ARHGAP26: variants seen among roughly 807,000 people sequenced by gnomAD.
The protein encoded by ARHGAP26 is rho GTPase-activating protein 26.
In ARHGAP26, 38 loss-of-function variants were observed where a neutral mutation model predicts 104.8. That is an observed-to-expected ratio of 0.36 (90% CI 0.28 to 0.48). The LOEUF (loss-of-function observed/expected upper bound fraction) is 0.48. Ranked by LOEUF, ARHGAP26 falls within the 20% of genes least tolerant of loss-of-function variation. The pLI, the probability that ARHGAP26 is intolerant of heterozygous loss-of-function variation, is 0.99. For missense variants in ARHGAP26, 704 were observed against 947.9 expected (o/e 0.74, Z 3.38); for synonymous variants, 341 against 340.0 (o/e 1.00, Z -0.03).
chr5:142,903,894 G>C (rs775810694), intron 8 of ARHGAP26, among the ~76,000 whole-genome samples: 17 of 151,956 alleles, frequency 1.1e-4, no homozygotes, highest in Non-Finnish European at 2.5e-4. Flanking sequence ...ATTCTTTAAG[G>C]CTCTGTGGTT....
intron 1 of ARHGAP26, among the ~76,000 whole-genome samples, chr5:142,774,253 A>G (rs985189326): frequency 6.6e-6 from 1 of 152,176 alleles, no homozygotes; most frequent in Non-Finnish European, 1.5e-5. Flanking sequence ...AATTCAAACA[A>G]ATTTTTATAG....
At chr5:143,125,954 A>G (rs1056885556) in intron 18 of ARHGAP26, among the ~76,000 whole-genome samples, 7 of 152,218 alleles carry the variant, frequency 4.6e-5, no homozygotes, top group African/African-American at 1.7e-4. Context: ...AACCCAAGCT[A>G]TTAAAATCTA....
At chr5:143,060,709 T>G (rs1403000007) in intron 17 of ARHGAP26, among the ~76,000 whole-genome samples, 2 of 151,982 alleles carry the variant, frequency 1.3e-5, no homozygotes, top group Non-Finnish European at 2.9e-5. Flanking sequence ...GGGCGCTTGT[T>G]TACATTGACA....
intron 19 of ARHGAP26, among the ~76,000 whole-genome samples, chr5:143,138,782 A>C (rs1428405769): frequency 6.6e-6 from 1 of 152,236 alleles, no homozygotes; most frequent in Non-Finnish European, 1.5e-5. Context: ...TGTGCACCAC[A>C]ACAGCCCAAC....
At chr5:142,965,296 A>G (rs1323402823) in intron 11 of ARHGAP26, among the ~76,000 whole-genome samples, 1 of 152,192 alleles carries the variant, frequency 6.6e-6, no homozygotes, top group African/African-American at 2.4e-5. Flanking sequence ...GGCCCTCCAC[A>G]AGAGGTGGAG....
At chr5:143,215,366 G>A (rs141492662) in intron 22 of ARHGAP26, among the ~76,000 whole-genome samples, 44 of 152,330 alleles carry the variant, frequency 2.9e-4, no homozygotes, top group South Asian at 2.3e-3. Context: ...GATCTCAGGG[G>A]CAGAATTGTT....
At chr5:142,821,449 G>C (rs111584282) in intron 1 of ARHGAP26, among the ~76,000 whole-genome samples, 1 of 151,778 alleles carries the variant, frequency 6.6e-6, no homozygotes, top group African/African-American at 2.4e-5. Context: ...CATTTTTCTA[G>C]GTGGTAGAGT....
intron 1 of ARHGAP26, among the ~76,000 whole-genome samples, chr5:142,834,239 C>T (rs1276959148): frequency 1.3e-5 from 2 of 152,174 alleles, no homozygotes; most frequent in South Asian, 2.1e-4. Context: ...ACAGTGAATA[C>T]ACTTATGTAA....
chr5:142,861,726 A>G (rs573993057), intron 1 of ARHGAP26, among the ~76,000 whole-genome samples: 1 of 152,180 alleles, frequency 6.6e-6, no homozygotes, highest in South Asian at 2.1e-4. Context: ...TGTGCTAAGC[A>G]CTTCAGTGCA....
At chr5:142,887,640 G>C (rs1361237955) in intron 5 of ARHGAP26, among the ~76,000 whole-genome samples, 1 of 152,160 alleles carries the variant, frequency 6.6e-6, no homozygotes, top group Non-Finnish European at 1.5e-5. Flanking sequence ...TTGAGTGTAA[G>C]GATTGGGTTC....
chr5:143,117,256 G>A (rs1265902393), intron 17 of ARHGAP26, among the ~76,000 whole-genome samples: 1 of 152,182 alleles, frequency 6.6e-6, no homozygotes, highest in South Asian at 2.1e-4. Flanking sequence ...GCTAATGAAC[G>A]AGTCCCGTGG....
At chr5:142,849,784 G>A (rs935718097) in intron 1 of ARHGAP26, among the ~76,000 whole-genome samples, 2 of 152,072 alleles carry the variant, frequency 1.3e-5, no homozygotes, top group Admixed American at 6.5e-5. Flanking sequence ...CAATCCTGCC[G>A]TGTTTCTGTC....
rs1811462808 is a variant in ARHGAP26 at position 143,223,991 on chromosome 5, G to A, written c.*1545G>A. On this transcript the variant is annotated 3_prime_UTR_variant, in exon 23 of 23. Coordinates refer to ENST00000645722, the MANE Select transcript of ARHGAP26 (RefSeq NM_001135608.3). ...ACCGATGGACCGTCAAGCTCCCCAGGAGCCCCTTGGATGGCAGCGTTGCTT... is the reference window on the plus strand; with the variant it reads ...ACCGATGGACCGTCAAGCTCCCCAGAAGCCCCTTGGATGGCAGCGTTGCTT... 4.3e-6 allele frequency: 1 copy of A among 232,118 alleles called. No individual in the cohort carries two copies. The highest frequency in any genetic ancestry group is 8.5e-6 in the Non-Finnish European group (1 of 117,032). The allele number at this position is 232,118 out of a possible 1,614,324, so 14.4% of individuals were successfully genotyped here.
At chr5:142,772,309 CTGAAACATA>C (rs1351998573) in intron 1 of ARHGAP26, among the ~76,000 whole-genome samples, 1 of 152,246 alleles carries the variant, frequency 6.6e-6, no homozygotes, top group Non-Finnish European at 1.5e-5. Flanking sequence ...TGTGCCTTAC[CTGAAACATA>C]TGAACAGACC....
intron 19 of ARHGAP26, among the ~76,000 whole-genome samples, chr5:143,143,810 G>A (rs1239714422): frequency 6.6e-6 from 1 of 152,174 alleles, no homozygotes; most frequent in Non-Finnish European, 1.5e-5. Flanking sequence ...CTGCCCTCGG[G>A]TAGTTTGCAT....
chr5:142,808,247 A>G (rs1472577158), intron 1 of ARHGAP26, among the ~76,000 whole-genome samples: 4 of 133,372 alleles, frequency 3.0e-5, no homozygotes, highest in African/African-American at 9.8e-5. Context: ...AAAAAAAAAA[A>G]AAAAAAAAAA....
chr5:143,166,280 A>G (rs561343844), intron 20 of ARHGAP26, among the ~76,000 whole-genome samples: 2 of 152,166 alleles, frequency 1.3e-5, no homozygotes, highest in Non-Finnish European at 2.9e-5. Context: ...ACACCCTCAG[A>G]TCAGGGTGAC....
At chr5:142,862,533 A>G (rs1188789174) in intron 1 of ARHGAP26, among the ~76,000 whole-genome samples, 1 of 152,230 alleles carries the variant, frequency 6.6e-6, no homozygotes, top group East Asian at 1.9e-4. Flanking sequence ...GTATGAAGAA[A>G]GGCATAGAAC....
Position 142,802,064 on chromosome 5 carries a change from G to A in ARHGAP26, c.154+31149G>A, listed in dbSNP as rs74659287. The stretch of plus-strand genomic sequence containing the variant: ...AAGCTCCAGAGGCCGTGAGAGTTGA[G>A]ATGAGAGAAACTATTCTGTGGTACC... On this transcript the variant is annotated intron_variant, in intron 1 of 22. Transcript: ENST00000645722. Among the ~76,000 whole-genome samples, 886 of 152,312 alleles carry A rather than the reference G, an allele frequency of 5.8e-3. 5 individuals are homozygous for A. Among genetic ancestry groups the A allele is most frequent in the Middle Eastern group, 0.024 (7 of 294 alleles).
Sources: allele counts gnomAD v4.1 joint callset (sites outside exome capture counted in the v4.1 genomes callset), GRCh38; gene constraint gnomAD v4.1.1; transcripts MANE v1.5; gene names NCBI Gene and HGNC (gene_info 2026-07-23, HGNC 2026-07-21).